The following CCDC81 variants were observed in gnomAD, a reference collection of about 807,000 sequenced individuals.
CCDC81 encodes the protein coiled-coil domain-containing protein 81.
Under a neutral mutation model 83.7 loss-of-function variants are expected in CCDC81, and 79 were observed. The observed-to-expected ratio is 0.94, with a 90% CI of 0.79 to 1.14. The LOEUF is 1.14. Ranked by LOEUF, CCDC81 falls within the 50% of genes most tolerant of loss-of-function variation. The probability of loss-of-function intolerance (pLI) is 0.00; values close to 1 mark genes in which losing one functional copy is unlikely to be tolerated. For missense variants in CCDC81, 791 were observed against 778.1 expected, an observed-to-expected ratio of 1.02 and a Z score of -0.20; for synonymous variants, 252 against 278.1, an observed-to-expected ratio of 0.91 and a Z score of 0.93.
At chr11:86,382,269 A>G (rs1948186689) in intron 1 of CCDC81, among the ~76,000 whole-genome samples, 1 of 152,160 alleles carries the variant, frequency 6.6e-6, no homozygotes, top group Non-Finnish European at 1.5e-5. Flanking sequence ...ACCTATAGCA[A>G]TAGTCTTGGT....
intron 7 of CCDC81, among the ~76,000 whole-genome samples, chr11:86,406,273 G>T (rs1487921154): frequency 1.3e-5 from 2 of 152,084 alleles, no homozygotes; most frequent in African/African-American, 4.8e-5. Context: ...CCTGACAGTT[G>T]TCCTGATGCA....
At chr11:86,410,235 C>T (rs932125755) in intron 10 of CCDC81, among the ~76,000 whole-genome samples, 2 of 152,102 alleles carry the variant, frequency 1.3e-5, no homozygotes, top group Non-Finnish European at 2.9e-5. Flanking sequence ...TCTAGGTAGT[C>T]GACACTCCGG....
intron 7 of CCDC81, 102 bp from the exon 8 acceptor site, chr11:86,407,512 C>A: frequency 2.7e-6 from 2 of 730,766 alleles, no homozygotes; most frequent in South Asian, 1.7e-5. Flanking sequence ...TGAAGTAAAC[C>A]ACTGAAATAT....
At chr11:86,383,662 A>G (rs1173251466) in intron 1 of CCDC81, among the ~76,000 whole-genome samples, 1 of 152,218 alleles carries the variant, frequency 6.6e-6, no homozygotes, top group Non-Finnish European at 1.5e-5. Context: ...TGAAAGTAGT[A>G]TATCCTTCAA....
chr11:86,388,874 T>C (rs1948284971), intron 3 of CCDC81, among the ~76,000 whole-genome samples: 1 of 152,254 alleles, frequency 6.6e-6, no homozygotes, highest in African/African-American at 2.4e-5. Context: ...TCATTTTCTA[T>C]CTTGGATCTT....
chr11:86,402,727 A>G (rs932200877), intron 7 of CCDC81, among the ~76,000 whole-genome samples: 1 of 152,228 alleles, frequency 6.6e-6, no homozygotes, highest in Non-Finnish European at 1.5e-5. Context: ...AGCAACAGTA[A>G]TATGAGAGAG....
intron 1 of CCDC81, among the ~76,000 whole-genome samples, chr11:86,375,925 C>G (rs1254158795): frequency 1.3e-5 from 2 of 152,228 alleles, no homozygotes; most frequent in African/African-American, 4.8e-5. Flanking sequence ...AACCAAATGA[C>G]CGCAGAAAAC....
chr11:86,395,080 A>AGGC (rs1302215591), intron 4 of CCDC81: 2 of 312,046 alleles, frequency 6.4e-6, no homozygotes, highest in Non-Finnish European at 1.2e-5. Context: ...TCAACTCTGA[A>AGGC]GGCAATTCCC....
At chr11:86,394,739 G>GT (rs1204648822) in intron 4 of CCDC81, among the ~76,000 whole-genome samples, 17 of 152,136 alleles carry the variant, frequency 1.1e-4, no homozygotes, top group African/African-American at 3.6e-4. Context: ...TTATTCTACA[G>GT]TTAAAATGTG....
At chr11:86,414,519 T>C in intron 11 of CCDC81, 1 of 307,450 alleles carries the variant, frequency 3.3e-6, no homozygotes. Flanking sequence ...GTTGGCCAGG[T>C]TGGTCTCGGA....
chr11:86,419,803 G>C, intron 13 of CCDC81, 125 bp from the exon 14 acceptor site: 1 of 912,952 alleles, frequency 1.1e-6, no homozygotes, highest in Non-Finnish European at 1.6e-6. Flanking sequence ...ATGCTTTTTA[G>C]TATATTTCAG....
chr11:86,408,364 A>T, intron 9 of CCDC81, 94 bp downstream of exon 9: 1 of 1,207,886 alleles, frequency 8.3e-7, no homozygotes, highest in Non-Finnish European at 1.1e-6. Flanking sequence ...GCAGGGTCTC[A>T]CTCTGTCACC....
intron 5 of CCDC81, among the ~76,000 whole-genome samples, chr11:86,395,847 T>C (rs1369642156): frequency 1.3e-5 from 2 of 152,146 alleles, no homozygotes; most frequent in African/African-American, 4.8e-5. Context: ...GGTCTCGAAC[T>C]CCTGGTCTCA....
chr11:86,392,068 T>C (rs1295679819), intron 3 of CCDC81, among the ~76,000 whole-genome samples: 1 of 152,134 alleles, frequency 6.6e-6, no homozygotes, highest in Non-Finnish European at 1.5e-5. Context: ...TCCACCCCCA[T>C]GATCCAATCA....
chr11:86,417,534 TGA>T, intron 13 of CCDC81, among the ~76,000 whole-genome samples: 1 of 152,190 alleles, frequency 6.6e-6, no homozygotes, highest in Middle Eastern at 3.4e-3. Flanking sequence ...TACATATATA[TGA>T]GATTCATTCT....
chr11:86,405,365 T>G (rs1486879291), intron 7 of CCDC81, among the ~76,000 whole-genome samples: 1 of 152,210 alleles, frequency 6.6e-6, no homozygotes, highest in Non-Finnish European at 1.5e-5. Flanking sequence ...TTAAGAATTT[T>G]TGTGTGTGTT....
At chr11:86,389,394 A>G (rs1162506154) in intron 3 of CCDC81, among the ~76,000 whole-genome samples, 7 of 152,218 alleles carry the variant, frequency 4.6e-5, no homozygotes, top group Non-Finnish European at 8.8e-5. Flanking sequence ...GTTATAAATA[A>G]CTAGCTAAGA....
Position 86,409,334 on chromosome 11 carries a change from G to T in CCDC81, c.1187G>T (p.Arg396Ile). The change falls in exon 10 of 15, where the codon AGA (arginine) becomes ATA (isoleucine). Residue 396 changes from arginine to isoleucine, a missense_variant. Physicochemically the swap from Arg to Ile is moderately conservative, Grantham distance 97. Transcript: ENST00000445632. ...AYNLGVAEAIRNHKNEKPEFY... is the reference protein window; with the variant it reads ...AYNLGVAEAIINHKNEKPEFY... ...AATCTTGGAGTTGCTGAAGCTATAA[G>T]AAACCACAAGAATGAGAAACCGGAA... The T allele has an allele frequency of 6.5e-7, 1 of 1,535,606 alleles. No homozygotes were observed. The highest frequency in any genetic ancestry group is 8.7e-7 in the Non-Finnish European group (1 of 1,143,546).
intron 5 of CCDC81, 108 bp from the exon 6 acceptor site, chr11:86,397,513 C>T: frequency 7.4e-7 from 1 of 1,355,762 alleles, no homozygotes; most frequent in Non-Finnish European, 1.0e-6. Context: ...AGAAAGTGGG[C>T]TTATTTCAGA....
Sources: gnomAD v4.1 joint callset for allele counts (sites outside exome capture counted in the v4.1 genomes callset) on GRCh38, gnomAD v4.1.1 for gene constraint, MANE v1.5 for transcripts, NCBI Gene and HGNC (gene_info 2026-07-23, HGNC 2026-07-21) for gene names.